ILRUN: variants seen among roughly 807,000 people sequenced by gnomAD.
The protein encoded by ILRUN is inflammation and lipid regulator with UBA-like and NBR1-like domains.
Under a neutral mutation model 33.8 loss-of-function variants are expected in ILRUN, and 3 were observed. The ratio of observed to expected loss-of-function variants is 0.09; its 90% CI spans 0.04 to 0.23. ILRUN has a LOEUF of 0.23. ILRUN is among the 10% of genes least tolerant of loss of function. The pLI, the probability that ILRUN is intolerant of heterozygous loss-of-function variation, is 1.00. For missense variants in ILRUN, 210 were observed against 375.1 expected, an observed-to-expected ratio of 0.56 and a Z score of 3.64; for synonymous variants, 124 against 138.9, an observed-to-expected ratio of 0.89 and a Z score of 0.75.
At chr6:34,658,178 G>A (rs951568064) in intron 1 of ILRUN, among the ~76,000 whole-genome samples, 3 of 151,850 alleles carry the variant, frequency 2.0e-5, no homozygotes, top group Non-Finnish European at 2.9e-5. Context: ...GTGAAACCTC[G>A]TCTCTACAAA....
intron 1 of ILRUN, among the ~76,000 whole-genome samples, chr6:34,683,441 C>CATATATATACATATATATATACAT (rs1763426615): frequency 8.3e-6 from 1 of 120,066 alleles, no homozygotes; most frequent in Non-Finnish European, 1.7e-5. Flanking sequence ...TATATATATA[C>CATATATATACATATATATATACAT]ATATATATAT....
At position 34,590,672 on chromosome 6, in the gene ILRUN, A is replaced by T. The variant is rs548637559; in HGVS notation, c.862-72T>A. On this transcript the variant is annotated intron_variant, in intron 4 of 4. Coordinates refer to ENST00000374023, the MANE Select transcript of ILRUN (RefSeq NM_024294.4). ...ACTTGACAACCAAACCAAGTGCAAG[A>T]TCTATGGTTCCCAGTGAGTCACAAG... The T allele has an allele frequency of 6.3e-6, 7 of 1,114,646 alleles. No individual in the cohort carries two copies. The East Asian group carries it at 7.1e-5, about 11-fold the overall frequency. The allele number at this position is 1,114,646 out of a possible 1,614,324, so 69.0% of individuals were successfully genotyped here.
At chr6:34,621,466 C>T (rs1470886159) in intron 3 of ILRUN, among the ~76,000 whole-genome samples, 2 of 152,134 alleles carry the variant, frequency 1.3e-5, no homozygotes, top group Non-Finnish European at 2.9e-5. Context: ...AGGCTGTTAC[C>T]ACCTGAATCC....
At chr6:34,622,797 C>G (rs114683883) in intron 3 of ILRUN, among the ~76,000 whole-genome samples, 127 of 152,292 alleles carry the variant, frequency 8.3e-4, no homozygotes, top group African/African-American at 3.0e-3. Flanking sequence ...TATTTGTACA[C>G]CCATGTTCAT....
At chr6:34,623,761 T>C (rs1762056158) in intron 3 of ILRUN, among the ~76,000 whole-genome samples, 1 of 152,230 alleles carries the variant, frequency 6.6e-6, no homozygotes, top group Non-Finnish European at 1.5e-5. Flanking sequence ...ATAAAAAGGC[T>C]TAAAATTTAA....
chr6:34,650,401 ATTTATTTT>A (rs1002218022), intron 2 of ILRUN, among the ~76,000 whole-genome samples: 12 of 139,276 alleles, frequency 8.6e-5, no homozygotes, highest in African/African-American at 3.3e-4. Flanking sequence ...AATTTTATTT[ATTTATTTT>A]TATTTATTTA....
At chr6:34,616,535 A>C in intron 3 of ILRUN, 5 of 1,126,000 alleles carry the variant, frequency 4.4e-6, no homozygotes, top group Admixed American at 1.8e-5. Flanking sequence ...TCAGGCTGGA[A>C]CCATGGAGGG....
intron 3 of ILRUN, among the ~76,000 whole-genome samples, chr6:34,642,825 C>CAAAAAAAAAAA (rs57866309): frequency 2.3e-5 from 1 of 42,994 alleles, no homozygotes; most frequent in East Asian, 7.6e-4. Flanking sequence ...CCGTCTCTAC[C>CAAAAAAAAAAA]AAAAAAAAAA....
At chr6:34,605,463 A>C (rs1761609908) in intron 4 of ILRUN, among the ~76,000 whole-genome samples, 1 of 151,754 alleles carries the variant, frequency 6.6e-6, no homozygotes, top group Non-Finnish European at 1.5e-5. Flanking sequence ...CCCTGTCTCT[A>C]CTAAAAATAC....
rs116722365 is a variant in ILRUN, at chr6:34,596,054, G to A, written c.862-5454C>T. The A allele has an allele frequency of 8.3e-4, 374 of 450,418 alleles. 3 individuals are homozygous for A. Among genetic ancestry groups the A allele is most frequent in the African/African-American group, 6.6e-3 (311 of 46,992 alleles). The allele number at this position is 450,418 out of a possible 1,614,324, so 27.9% of individuals were successfully genotyped here. A position where few individuals can be genotyped will look rare whatever the true frequency, so the allele number is the denominator to read the frequency against. ...CCTGCTCACAGGCCTGGCCTGGCTG[G>A]CAGGGGCCAGAAACTGACTAGGACC... On this transcript the variant is annotated intron_variant, in intron 4 of 4. Transcript: ENST00000374023.
At chr6:34,692,570 T>C (rs1336165697) in intron 1 of ILRUN, among the ~76,000 whole-genome samples, 4 of 152,188 alleles carry the variant, frequency 2.6e-5, no homozygotes, top group Non-Finnish European at 5.9e-5. Context: ...TGTGATTAAG[T>C]ATGCATGCAT....
chr6:34,603,784 C>T (rs1359004464), intron 4 of ILRUN, among the ~76,000 whole-genome samples: 1 of 152,198 alleles, frequency 6.6e-6, no homozygotes, highest in Non-Finnish European at 1.5e-5. Context: ...TACTGTACTG[C>T]GGGCTCCTAG....
chr6:34,604,158 G>GA (rs985651934), intron 4 of ILRUN, among the ~76,000 whole-genome samples: 2 of 152,018 alleles, frequency 1.3e-5, no homozygotes, highest in Non-Finnish European at 2.9e-5. Context: ...CAAAGTCCAG[G>GA]AAAAAAATTA....
chr6:34,675,215 A>G (rs573733711), intron 1 of ILRUN, among the ~76,000 whole-genome samples: 2 of 152,270 alleles, frequency 1.3e-5, no homozygotes, highest in South Asian at 4.1e-4. Flanking sequence ...TGGGAGGCAG[A>G]GGTTGCAGTG....
At chr6:34,682,039 T>TTTTTTTTTTTTA (rs1371036341) in intron 1 of ILRUN, among the ~76,000 whole-genome samples, 1 of 104,892 alleles carries the variant, frequency 9.5e-6, no homozygotes, top group Non-Finnish European at 2.0e-5. Flanking sequence ...TTTATTTTTT[T>TTTTTTTTTTTTA]ACTTTTTTTT....
At chr6:34,604,903 T>A (rs1184772620) in intron 4 of ILRUN, among the ~76,000 whole-genome samples, 1 of 152,258 alleles carries the variant, frequency 6.6e-6, no homozygotes, top group Non-Finnish European at 1.5e-5. Context: ...AGGACTCTAA[T>A]CCTTCATTTA....
chr6:34,623,781 A>C (rs964751103), intron 3 of ILRUN, among the ~76,000 whole-genome samples: 16 of 152,318 alleles, frequency 1.1e-4, no homozygotes, highest in African/African-American at 3.8e-4. Flanking sequence ...AATATTGTCC[A>C]TTTTATATGC....
intron 2 of ILRUN, among the ~76,000 whole-genome samples, chr6:34,653,753 GC>G (rs1044278491): frequency 1.3e-5 from 2 of 151,958 alleles, no homozygotes; most frequent in African/African-American, 4.8e-5. Flanking sequence ...TGAGAGGATA[GC>G]TTGAGCCCAA....
intron 4 of ILRUN, among the ~76,000 whole-genome samples, chr6:34,605,676 TATC>T (rs896559308): frequency 6.6e-6 from 1 of 152,064 alleles, no homozygotes; most frequent in African/African-American, 2.4e-5. Flanking sequence ...GTCAGAAAAA[TATC>T]ATTCTTACAA....
Sources: allele counts gnomAD v4.1 joint callset (sites outside exome capture counted in the v4.1 genomes callset), GRCh38; gene constraint gnomAD v4.1.1; transcripts MANE v1.5; gene names NCBI Gene and HGNC (gene_info 2026-07-23, HGNC 2026-07-21).